The following URI1 variants were observed in gnomAD, a reference collection of about 807,000 sequenced individuals.
The protein encoded by URI1 is unconventional prefoldin RPB5 interactor 1.
A neutral mutation model predicts 60.2 loss-of-function variants in URI1; 39 were observed. The ratio of observed to expected loss-of-function variants is 0.65; its 90% CI spans 0.50 to 0.85. The LOEUF (loss-of-function observed/expected upper bound fraction) is 0.85. Among genes scored for constraint, URI1 ranks in the 40% least tolerant of loss-of-function variants. The probability of loss-of-function intolerance (pLI) is 0.00; values close to 1 mark genes in which losing one functional copy is unlikely to be tolerated. For synonymous variants in URI1, 251 were observed against 236.8 expected, an observed-to-expected ratio of 1.06 and a Z score of -0.55; for missense variants, 691 against 665.9, an observed-to-expected ratio of 1.04 and a Z score of -0.42.
chr19:30,012,662 A>G (rs1475488473), intron 10 of URI1, 131 bp downstream of exon 10: 4 of 1,126,314 alleles, frequency 3.6e-6, no homozygotes, highest in Non-Finnish European at 4.9e-6. Context: ...TTAATAAAAA[A>G]TTAATAGTCA....
intron 7 of URI1, among the ~76,000 whole-genome samples, chr19:30,008,765 TA>T (rs202184529): frequency 2.6e-5 from 4 of 152,100 alleles, no homozygotes; most frequent in African/African-American, 9.7e-5. Context: ...CTTGCAAAGA[TA>T]AAAAAATTAT....
intron 1 of URI1, among the ~76,000 whole-genome samples, chr19:29,955,681 C>G (rs1332273949): frequency 6.8e-6 from 1 of 147,852 alleles, no homozygotes; most frequent in Non-Finnish European, 1.5e-5. Flanking sequence ...TTCTTTCTTC[C>G]TGGGTTCAAG....
chr19:29,935,988 A>T (rs1189304608), intron 1 of URI1, among the ~76,000 whole-genome samples: 1 of 151,936 alleles, frequency 6.6e-6, no homozygotes, highest in East Asian at 1.9e-4. Flanking sequence ...GGGTTTCACT[A>T]TGTTGACCAG....
intron 1 of URI1, among the ~76,000 whole-genome samples, chr19:29,970,909 C>T (rs2055451198): frequency 6.6e-6 from 1 of 151,978 alleles, no homozygotes; most frequent in Non-Finnish European, 1.5e-5. Flanking sequence ...TACTAGTTAT[C>T]TTATATCATA....
intron 1 of URI1, among the ~76,000 whole-genome samples, chr19:29,931,334 T>C (rs1346261789): frequency 6.6e-6 from 1 of 152,160 alleles, no homozygotes; most frequent in African/African-American, 2.4e-5. Flanking sequence ...GATGAAGGTG[T>C]TGGAAAAGCC....
chr19:29,971,867 T>G (rs1276214848), intron 2 of URI1, among the ~76,000 whole-genome samples: 3 of 152,038 alleles, frequency 2.0e-5, no homozygotes, highest in African/African-American at 7.2e-5. Context: ...CTTACAGATA[T>G]CAAATTACAA....
rs141787513 is a variant in URI1 at position 29,993,033 on chromosome 19, G to A, written c.367+6616G>A. Among the ~76,000 whole-genome samples the A allele has an allele frequency of 5.9e-3, 905 of 152,206 alleles. 11 individuals carry two copies. The highest frequency in any genetic ancestry group is 0.021 in the African/African-American group (856 of 41,530). ...ATAATATGGGGAGAATTATTTTACCGTGTGTCTTTTGTTCAGAATTGTATC... is the reference window on the plus strand; with the variant it reads ...ATAATATGGGGAGAATTATTTTACCATGTGTCTTTTGTTCAGAATTGTATC... On this transcript the variant is annotated intron_variant, in intron 4 of 10. Transcript: ENST00000392271.
chr19:29,983,639 T>A (rs2055625255), intron 2 of URI1, among the ~76,000 whole-genome samples: 1 of 152,226 alleles, frequency 6.6e-6, no homozygotes, highest in South Asian at 2.1e-4. Flanking sequence ...TAAAAAAAAT[T>A]CAGTGCTGTA....
At chr19:30,011,614 T>C (rs1181439107) in intron 9 of URI1, among the ~76,000 whole-genome samples, 1 of 150,968 alleles carries the variant, frequency 6.6e-6, no homozygotes, top group Non-Finnish European at 1.5e-5. Flanking sequence ...ATTATACTGT[T>C]GCAGGTTTTT....
In URI1 at chr19:29,977,558, CTT is replaced by C. The variant is rs749382980; in HGVS notation, c.152+6347_152+6348del. Among the ~76,000 whole-genome samples the C allele has an allele frequency of 6.7e-3, 755 of 112,564 alleles. 9 individuals are homozygous for C. Among genetic ancestry groups the C allele is most frequent in the African/African-American group, 0.023 (707 of 30,564 alleles). The allele number at this position is 112,564 out of a possible 152,430, so 73.8% of individuals were successfully genotyped here. A position where few individuals can be genotyped will look rare whatever the true frequency, so the allele number is the denominator to read the frequency against. On this transcript the variant is annotated intron_variant, in intron 2 of 10. Coordinates refer to ENST00000392271, the MANE Select transcript of URI1 (RefSeq NM_003796.3). ...GGGCTTTTTCTTTATGTTATTTTTTCTTTTTTTTTTTTTTTTTCCCTCCTCTT... is the reference window on the plus strand; with the variant it reads ...GGGCTTTTTCTTTATGTTATTTTTTCTTTTTTTTTTTTTTTCCCTCCTCTT...
At position 30,016,545 on chromosome 19, in the gene URI1, T is replaced by A. The variant is rs1194996810; in HGVS notation, c.*1476T>A. 1 of 152,116 alleles carries A rather than the reference T, an allele frequency of 6.6e-6. No individual in the cohort carries two copies. The highest frequency in any genetic ancestry group is 1.5e-5 in the Non-Finnish European group (1 of 67,974). 9.4% of individuals were successfully genotyped at this position (152,116 alleles called of 1,614,324 possible). On this transcript the variant is annotated 3_prime_UTR_variant, in exon 11 of 11. Transcript: ENST00000392271. ...AGAAACAAACTTTACTGTAGGACTA[T>A]TGTGGTGTTCTTAACAGATTTGTAA...
chr19:29,978,493 T>A, intron 2 of URI1, among the ~76,000 whole-genome samples: 1 of 151,954 alleles, frequency 6.6e-6, no homozygotes, highest in East Asian at 1.9e-4. Flanking sequence ...TTTTTTCATT[T>A]TCCATTTTTT....
At chr19:29,963,375 T>C (rs1283213061) in intron 1 of URI1, among the ~76,000 whole-genome samples, 1 of 152,168 alleles carries the variant, frequency 6.6e-6, no homozygotes, top group Admixed American at 6.5e-5. Flanking sequence ...TTCTGCTGTT[T>C]AATCTTCTTT....
intron 4 of URI1, among the ~76,000 whole-genome samples, chr19:30,003,954 C>T (rs1248529880): frequency 1.3e-5 from 2 of 152,004 alleles, no homozygotes; most frequent in East Asian, 1.9e-4. Flanking sequence ...TCCCTGACCC[C>T]CTGCTTTTAA....
At chr19:29,947,708 A>G (rs2055119868) in intron 1 of URI1, among the ~76,000 whole-genome samples, 1 of 152,194 alleles carries the variant, frequency 6.6e-6, no homozygotes, top group Non-Finnish European at 1.5e-5. Context: ...TGCCTTTCCA[A>G]TTATATATTG....
chr19:29,983,009 C>G (rs1172339369), intron 2 of URI1, among the ~76,000 whole-genome samples: 1 of 152,150 alleles, frequency 6.6e-6, no homozygotes, highest in African/African-American at 2.4e-5. Flanking sequence ...ACTTCAAAGC[C>G]ATGTTCTTTC....
upstream of URI1, among the ~76,000 whole-genome samples, chr19:29,940,056 T>G (rs1032451425): frequency 2.0e-5 from 3 of 152,246 alleles, no homozygotes; most frequent in Non-Finnish European, 4.4e-5. Flanking sequence ...TGTCTTTGGC[T>G]GCTCATGATA....
intron 2 of URI1, among the ~76,000 whole-genome samples, chr19:29,972,825 A>T (rs1406584562): frequency 6.6e-6 from 1 of 152,092 alleles, no homozygotes; most frequent in African/African-American, 2.4e-5. Context: ...GTGACCCTCA[A>T]TTTCACTTTT....
chr19:29,933,940 C>CTTTTTTTTT (rs34942474), intron 1 of URI1, among the ~76,000 whole-genome samples: 10 of 124,704 alleles, frequency 8.0e-5, no homozygotes, highest in African/African-American at 2.7e-4. Flanking sequence ...CTTTTCTTCC[C>CTTTTTTTTT]TTTTTTTTTT....
Sources: gnomAD v4.1 joint callset for allele counts (sites outside exome capture counted in the v4.1 genomes callset) on GRCh38, gnomAD v4.1.1 for gene constraint, MANE v1.5 for transcripts, NCBI Gene and HGNC (gene_info 2026-07-23, HGNC 2026-07-21) for gene names.